GPLD1: variants seen among roughly 807,000 people sequenced by gnomAD.
GPLD1 encodes the protein glycosylphosphatidylinositol specific phospholipase D1, also known as phosphatidylinositol-glycan-specific phospholipase D.
GPLD1 carries 84 observed loss-of-function variants against 112.6 expected under a neutral mutation model. That is an observed-to-expected ratio of 0.75 (90% CI 0.63 to 0.89). The LOEUF (loss-of-function observed/expected upper bound fraction) is 0.89. GPLD1 is among the 40% of genes least tolerant of loss of function. The pLI, the probability that GPLD1 is intolerant of heterozygous loss-of-function variation, is 0.00. For missense variants in GPLD1, 1,044 were observed against 1,051.5 expected, an observed-to-expected ratio of 0.99 and a Z score of 0.10; for synonymous variants, 386 against 403.8, an observed-to-expected ratio of 0.96 and a Z score of 0.53.
At chr6:24,453,469 C>G (rs933162785) in intron 14 of GPLD1, among the ~76,000 whole-genome samples, 1 of 152,042 alleles carries the variant, frequency 6.6e-6, no homozygotes, top group Non-Finnish European at 1.5e-5. Flanking sequence ...AACTGCATCT[C>G]TACTAAAAAT....
At chr6:24,454,491 A>G (rs1763203013) in intron 13 of GPLD1, among the ~76,000 whole-genome samples, 1 of 152,262 alleles carries the variant, frequency 6.6e-6, no homozygotes, top group Non-Finnish European at 1.5e-5. Context: ...CTTGTCTTAT[A>G]CACAAAACCA....
chr6:24,463,166 T>C (rs1763492331), intron 10 of GPLD1, among the ~76,000 whole-genome samples: 2 of 148,906 alleles, frequency 1.3e-5, no homozygotes, highest in African/African-American at 5.0e-5. Flanking sequence ...CCTAAATGTG[T>C]CTGAATTTCT....
At chr6:24,424,428 T>C (rs1454213096), downstream of GPLD1, 3 of 137,442 alleles carry the variant, frequency 2.2e-5, no homozygotes, top group East Asian at 3.0e-4. Flanking sequence ...AAAGTAGATA[T>C]TTAGATACCA....
downstream of GPLD1, chr6:24,425,176 C>T (rs1762190336): frequency 6.6e-6 from 1 of 152,182 alleles, no homozygotes; most frequent in Admixed American, 6.5e-5. Flanking sequence ...TCACAGGGCA[C>T]ACTTTTGGCA....
At position 24,475,159 on chromosome 6, in the gene GPLD1, G is replaced by A. The variant is rs1763966518; in HGVS notation, c.403C>T (p.Leu135=). Residue 135 remains leucine (L), a synonymous_variant, in exon 5 of 25, where the codon CTG becomes TTG. Coordinates refer to ENST00000230036, the MANE Select transcript of GPLD1 (RefSeq NM_001503.4). Reference sequence around the variant, plus strand: ...CTAAGGAATCCTTGTTCAAGGCCCAGACTATGCCAGCTGACATCTGCCGCC... The same window carrying A: ...CTAAGGAATCCTTGTTCAAGGCCCAAACTATGCCAGCTGACATCTGCCGCC... ...HMAADVSWHS[L]GLEQGFLRTM... The A allele has an allele frequency of 6.2e-7, 1 of 1,610,738 alleles. No individual in the cohort carries two copies. The highest frequency in any genetic ancestry group is 1.1e-5 in the South Asian group (1 of 91,022).
At chr6:24,486,462 T>C (rs1029253174) in intron 1 of GPLD1, among the ~76,000 whole-genome samples, 6 of 152,104 alleles carry the variant, frequency 3.9e-5, no homozygotes, top group East Asian at 1.9e-4. Flanking sequence ...TATAGGTTGG[T>C]TGAAATAATA....
At chr6:24,469,758 C>G (rs1763736152) in intron 7 of GPLD1, among the ~76,000 whole-genome samples, 2 of 133,872 alleles carry the variant, frequency 1.5e-5, no homozygotes, top group Admixed American at 7.6e-5. Flanking sequence ...TGCACATGTA[C>G]CCTAAAACTT....
At chr6:24,455,966 G>A (rs927820181) in intron 13 of GPLD1, among the ~76,000 whole-genome samples, 1 of 152,120 alleles carries the variant, frequency 6.6e-6, no homozygotes, top group Non-Finnish European at 1.5e-5. Context: ...CTTGAGCCCA[G>A]GAGTTTGAGA....
At chr6:24,462,601 C>T in intron 11 of GPLD1, 129 bp downstream of exon 11, 2 of 669,904 alleles carry the variant, frequency 3.0e-6, no homozygotes, top group Non-Finnish European at 5.4e-6. Context: ...AATCACACAG[C>T]TGCAAGTGAC....
At chr6:24,490,513 G>C (rs1369979080), upstream of GPLD1, among the ~76,000 whole-genome samples, 1 of 152,204 alleles carries the variant, frequency 6.6e-6, no homozygotes, top group Non-Finnish European at 1.5e-5. Flanking sequence ...CACTCTGGGA[G>C]GCTGAGGCTG....
rs1328048509 is a variant in GPLD1, at chr6:24,456,556, G to C, written c.1090C>G (p.His364Asp). ...FIGGSQLSQKHVSSPLASYFL... is the reference protein window; with the variant it reads ...FIGGSQLSQKDVSSPLASYFL... ...TAAGATGCTAAGGGGCTGGAGACGTGCTTTTGTGACAACTGAGAGCCACCT... is the reference window on the plus strand; with the variant it reads ...TAAGATGCTAAGGGGCTGGAGACGTCCTTTTGTGACAACTGAGAGCCACCT... The change falls in exon 13 of 25, where the codon CAC (histidine) becomes GAC (aspartate). Residue 364 changes from histidine (H) to aspartate (D), a missense_variant. His to Asp is a moderately conservative substitution (Grantham distance 81, BLOSUM62 -1). Transcript: ENST00000230036. 2 of 1,608,980 alleles carry C rather than the reference G, an allele frequency of 1.2e-6. No individual in the cohort carries two copies. The highest frequency in any genetic ancestry group is 2.2e-5 in the South Asian group (2 of 90,966).
intron 10 of GPLD1, among the ~76,000 whole-genome samples, chr6:24,465,402 T>G (rs1763572540): frequency 6.6e-6 from 1 of 151,278 alleles, no homozygotes; most frequent in African/African-American, 2.4e-5. Context: ...ATTAGCCTGG[T>G]GCAGTGGTGT....
chr6:24,489,625 A>G (rs1020120681), upstream of GPLD1: 1 of 1,507,174 alleles, frequency 6.6e-7, no homozygotes. Flanking sequence ...CAGGTCACTG[A>G]CCGAGGAAAC....
chr6:24,456,421 T>TA (rs1763270958), intron 13 of GPLD1, 77 bp downstream of exon 13: 4 of 955,044 alleles, frequency 4.2e-6, no homozygotes, highest in Non-Finnish European at 6.3e-6. Flanking sequence ...TAAAATGAAA[T>TA]AAAAAACAGT....
chr6:24,438,315 C>T (rs552469307), intron 20 of GPLD1, among the ~76,000 whole-genome samples: 5 of 152,254 alleles, frequency 3.3e-5, no homozygotes, highest in African/African-American at 4.8e-5. Flanking sequence ...GTTGGAATTT[C>T]GCTGTAAACT....
chr6:24,450,092 C>T (rs1763033243), intron 14 of GPLD1, among the ~76,000 whole-genome samples, 193 bp from the exon 15 acceptor site: 1 of 152,166 alleles, frequency 6.6e-6, no homozygotes, highest in Admixed American at 6.5e-5. Flanking sequence ...TTCAGCATGT[C>T]TGTCTGCCTT....
At chr6:24,433,111 A>T in intron 24 of GPLD1, 76 bp downstream of exon 24, 1 of 940,114 alleles carries the variant, frequency 1.1e-6, no homozygotes, top group East Asian at 2.4e-5. Context: ...TCTGAAATAA[A>T]CCTAACAAGT....
chr6:24,460,388 TGCA>T lies in GPLD1; in HGVS notation c.896_898del (p.Met299_Gln300delinsLys). ...CAAATTTCTGTGAAAATCATTTTTC[TGCA>T]TTTTTGAGCTGTTGAAGAGAAAGAG... On this transcript the variant is annotated inframe_deletion, in exon 12 of 25. Coordinates refer to ENST00000230036, the MANE Select transcript of GPLD1 (RefSeq NM_001503.4). 6.2e-7 allele frequency: 1 copy of T among 1,613,856 alleles called. No homozygotes were observed. Among genetic ancestry groups the T allele is most frequent in the South Asian group, 1.1e-5 (1 of 91,068 alleles).
At chr6:24,476,123 A>G (rs1301813272) in intron 4 of GPLD1, 58 bp downstream of exon 4, 3 of 935,452 alleles carry the variant, frequency 3.2e-6, no homozygotes, top group South Asian at 1.4e-5. Flanking sequence ...GCGGGTGCAA[A>G]CACAGTGCAT....
Sources: allele counts gnomAD v4.1 joint callset (sites outside exome capture counted in the v4.1 genomes callset), GRCh38; gene constraint gnomAD v4.1.1; transcripts MANE v1.5; gene names NCBI Gene and HGNC (gene_info 2026-07-23, HGNC 2026-07-21).